THRB: variants seen among roughly 807,000 people sequenced by gnomAD.
The protein encoded by THRB is thyroid hormone receptor beta.
Under a neutral mutation model 47.8 loss-of-function variants are expected in THRB, and 12 were observed. That is an observed-to-expected ratio of 0.25 (90% CI 0.16 to 0.41). The LOEUF (loss-of-function observed/expected upper bound fraction) is 0.41. Ranked by LOEUF, THRB falls within the 10% of genes least tolerant of loss-of-function variation. The pLI is 1.00. For synonymous variants in THRB, 218 were observed against 212.2 expected (o/e 1.03, Z -0.24); for missense variants, 348 against 589.2 (o/e 0.59, Z 4.24).
At chr3:24,248,414 G>C (rs2050324031) in intron 3 of THRB, among the ~76,000 whole-genome samples, 1 of 151,702 alleles carries the variant, frequency 6.6e-6, no homozygotes, top group African/African-American at 2.4e-5. Context: ...GAAAGGTTTG[G>C]AATAGTACAA....
intron 5 of THRB, 80 bp downstream of exon 5, chr3:24,189,994 A>T: frequency 7.3e-7 from 1 of 1,376,266 alleles, no homozygotes; most frequent in Non-Finnish European, 1.0e-6. Flanking sequence ...AGAGAAATGT[A>T]GATGAAGTAC....
chr3:24,206,484 T>G (rs903434798), intron 4 of THRB, among the ~76,000 whole-genome samples: 23 of 152,094 alleles, frequency 1.5e-4, no homozygotes, highest in Non-Finnish European at 2.5e-4. Context: ...CCAGAATCTC[T>G]GGGACACATT....
intron 1 of THRB, among the ~76,000 whole-genome samples, chr3:24,364,419 T>C (rs1207971502): frequency 6.6e-6 from 1 of 152,192 alleles, no homozygotes; most frequent in Non-Finnish European, 1.5e-5. Context: ...TTTTTAGTAA[T>C]AATAGCTAAT....
chr3:24,443,135 T>C (rs551002618), intron 1 of THRB, among the ~76,000 whole-genome samples: 30 of 151,746 alleles, frequency 2.0e-4, no homozygotes, highest in Non-Finnish European at 3.5e-4. Context: ...TGAGCCGAGA[T>C]CACACCAGCA....
At chr3:24,355,052 A>G (rs2063585601) in intron 1 of THRB, among the ~76,000 whole-genome samples, 1 of 152,148 alleles carries the variant, frequency 6.6e-6, no homozygotes, top group Admixed American at 6.5e-5. Context: ...AAAGAAGAAA[A>G]TAGTAACTTT....
intron 2 of THRB, among the ~76,000 whole-genome samples, chr3:24,303,617 G>A (rs1285074566): frequency 6.6e-6 from 1 of 152,154 alleles, no homozygotes; most frequent in Non-Finnish European, 1.5e-5. Context: ...ATTATCACTT[G>A]TCACTGAAGT....
At chr3:24,238,660 T>C (rs1480600351) in intron 3 of THRB, among the ~76,000 whole-genome samples, 1 of 152,156 alleles carries the variant, frequency 6.6e-6, no homozygotes, top group Non-Finnish European at 1.5e-5. Flanking sequence ...AGGGAGACAG[T>C]GTCTCTCAGT....
chr3:24,361,837 G>A (rs574556088), intron 1 of THRB, among the ~76,000 whole-genome samples: 59 of 152,218 alleles, frequency 3.9e-4, no homozygotes, highest in African/African-American at 1.3e-3. Flanking sequence ...ACCACATGTT[G>A]AATTTGCTGG....
chr3:24,405,362 G>A (rs932266151), intron 1 of THRB, among the ~76,000 whole-genome samples: 9 of 151,866 alleles, frequency 5.9e-5, no homozygotes, highest in Admixed American at 1.3e-4. Flanking sequence ...GTCTATGGCC[G>A]CTTTTGAATT....
At chr3:24,305,832 T>C (rs1214404887) in intron 2 of THRB, among the ~76,000 whole-genome samples, 1 of 152,188 alleles carries the variant, frequency 6.6e-6, no homozygotes, top group Admixed American at 6.5e-5. Flanking sequence ...GAATACCTAG[T>C]TCTATGCAGC....
At chr3:24,325,173 C>T (rs1158429539) in intron 2 of THRB, among the ~76,000 whole-genome samples, 2 of 152,114 alleles carry the variant, frequency 1.3e-5, no homozygotes, top group Non-Finnish European at 2.9e-5. Flanking sequence ...ATTAATCATT[C>T]TCATGAAAGA....
At chr3:24,334,651 G>C (rs1271939252) in intron 2 of THRB, among the ~76,000 whole-genome samples, 1 of 152,178 alleles carries the variant, frequency 6.6e-6, no homozygotes, top group Non-Finnish European at 1.5e-5. Context: ...AGGGCCCCAA[G>C]CTTATTTTCA....
intron 4 of THRB, among the ~76,000 whole-genome samples, chr3:24,228,632 CAAAGAA>C (rs1559667203): frequency 5.1e-5 from 3 of 59,222 alleles, no homozygotes; most frequent in South Asian, 5.0e-4. Context: ...GACCATGTCT[CAAAGAA>C]AAAAAAAAAA....
chr3:24,179,773 G>T (rs1403037748), intron 5 of THRB, among the ~76,000 whole-genome samples: 4 of 152,100 alleles, frequency 2.6e-5, no homozygotes, highest in Non-Finnish European at 5.9e-5. Flanking sequence ...AGATTGATTT[G>T]CATAATTTTA....
intron 2 of THRB, among the ~76,000 whole-genome samples, chr3:24,307,095 A>G (rs185017997): frequency 3.3e-5 from 5 of 152,086 alleles, no homozygotes; most frequent in African/African-American, 4.8e-5. Flanking sequence ...TTACTTGGCA[A>G]TAATTTTTAA....
chr3:24,373,086 C>T (rs78144519), intron 1 of THRB, among the ~76,000 whole-genome samples: 6,309 of 152,100 alleles, frequency 0.041, 165 homozygotes, highest in Non-Finnish European at 0.059. Flanking sequence ...TTGTATTCCA[C>T]TGTTTTACAT....
chr3:24,292,366 G>A (rs2056015457), intron 3 of THRB, among the ~76,000 whole-genome samples: 1 of 152,048 alleles, frequency 6.6e-6, no homozygotes, highest in Non-Finnish European at 1.5e-5. Context: ...GTGCTCCAGG[G>A]CCATAGTAGC....
intron 2 of THRB, among the ~76,000 whole-genome samples, chr3:24,302,381 C>T (rs1422600249): frequency 6.6e-6 from 1 of 152,164 alleles, no homozygotes; most frequent in Non-Finnish European, 1.5e-5. Context: ...TTTATGTCCT[C>T]TAAATAATCA....
intron 4 of THRB, among the ~76,000 whole-genome samples, chr3:24,226,805 A>C (rs1282156291): frequency 6.6e-6 from 1 of 152,230 alleles, no homozygotes; most frequent in Non-Finnish European, 1.5e-5. Flanking sequence ...CTGTTTTATA[A>C]ATTTGTAGTA....
Sources: allele counts gnomAD v4.1 joint callset (sites outside exome capture counted in the v4.1 genomes callset), GRCh38; gene constraint gnomAD v4.1.1; transcripts MANE v1.5; gene names NCBI Gene and HGNC (gene_info 2026-07-23, HGNC 2026-07-21).